Variants in ULK4 observed in about 807,000 individuals in gnomAD.
ULK4 encodes the protein unc-51 like kinase 4.
ULK4 carries 133 observed loss-of-function variants against 160.6 expected under a neutral mutation model. That is an observed-to-expected ratio of 0.83 (90% CI 0.72 to 0.96). The LOEUF (loss-of-function observed/expected upper bound fraction) is 0.96. Ranked by LOEUF, ULK4 falls within the 40% of genes least tolerant of loss-of-function variation. ULK4 has a pLI of 0.00. For missense variants in ULK4, 1,580 were observed against 1,499.5 expected (o/e 1.05, Z -0.89); for synonymous variants, 534 against 539.8 (o/e 0.99, Z 0.15).
intron 35 of ULK4, among the ~76,000 whole-genome samples, chr3:41,394,339 C>A (rs1473803072): frequency 1.3e-5 from 2 of 152,084 alleles, no homozygotes; most frequent in African/African-American, 2.4e-5. Flanking sequence ...CTTTGGGTAA[C>A]CTGCTGCTAT....
intron 35 of ULK4, among the ~76,000 whole-genome samples, chr3:41,276,322 AG>A (rs1466648230): frequency 6.6e-6 from 1 of 152,174 alleles, no homozygotes; most frequent in Non-Finnish European, 1.5e-5. Flanking sequence ...CGGACCTTCG[AG>A]TCTCCCTCCA....
intron 17 of ULK4, among the ~76,000 whole-genome samples, chr3:41,843,732 A>G (rs187779409): frequency 0.015 from 2,223 of 152,228 alleles, 16 homozygotes; most frequent in Non-Finnish European, 0.024. Flanking sequence ...AAGCTTCCAC[A>G]GTGTGGAAGG....
At chr3:41,907,964 C>T in intron 11 of ULK4, 23 bp from the exon 12 acceptor site, 1 of 1,535,054 alleles carries the variant, frequency 6.5e-7, no homozygotes, top group Non-Finnish European at 8.8e-7. Context: ...AACCAGTTAA[C>T]ATTATTCAAT....
chr3:41,865,482 T>C (rs1391975295), intron 17 of ULK4, among the ~76,000 whole-genome samples: 2 of 151,970 alleles, frequency 1.3e-5, no homozygotes, highest in Non-Finnish European at 2.9e-5. Context: ...GATGACCATT[T>C]TCTCCTTCAC....
intron 30 of ULK4, among the ~76,000 whole-genome samples, chr3:41,655,509 C>G (rs1003822850): frequency 6.6e-6 from 1 of 151,990 alleles, no homozygotes; most frequent in Non-Finnish European, 1.5e-5. Context: ...CACATGTACA[C>G]TACAACTTAA....
intron 31 of ULK4, 96 bp from the exon 32 acceptor site, chr3:41,566,226 T>C: frequency 1.0e-6 from 1 of 998,772 alleles, no homozygotes; most frequent in Non-Finnish European, 1.5e-6. Flanking sequence ...CTTCATTCTT[T>C]GCACAAGGTT....
intron 5 of ULK4, 69 bp downstream of exon 5, chr3:41,931,775 C>A (rs1293105560): frequency 1.3e-6 from 2 of 1,550,968 alleles, no homozygotes; most frequent in East Asian, 4.5e-5. Context: ...CTGACATTGT[C>A]TCCTAAACAC....
intron 27 of ULK4, among the ~76,000 whole-genome samples, chr3:41,701,076 CAGTA>C (rs2036657922): frequency 3.3e-5 from 5 of 151,726 alleles, no homozygotes. Flanking sequence ...CACAAAAAGA[CAGTA>C]AGAATTAGAA....
chr3:41,363,726 G>A (rs2081194457), intron 35 of ULK4, among the ~76,000 whole-genome samples: 1 of 152,126 alleles, frequency 6.6e-6, no homozygotes, highest in African/African-American at 2.4e-5. Context: ...ATATATCTGT[G>A]GGCATGGGCA....
At chr3:41,707,447 A>G (rs549174856) in intron 25 of ULK4, among the ~76,000 whole-genome samples, 4 of 152,348 alleles carry the variant, frequency 2.6e-5, no homozygotes, top group East Asian at 3.9e-4. Flanking sequence ...TGGGAAAAAA[A>G]TATTTGTAAA....
At chr3:41,874,153 G>C (rs1697216502) in intron 17 of ULK4, among the ~76,000 whole-genome samples, 1 of 152,028 alleles carries the variant, frequency 6.6e-6, no homozygotes, top group Non-Finnish European at 1.5e-5. Flanking sequence ...ACAATGACAG[G>C]ACTGATTATG....
chr3:41,922,772 A>G (rs1183119198), intron 5 of ULK4, among the ~76,000 whole-genome samples: 1 of 152,178 alleles, frequency 6.6e-6, no homozygotes, highest in African/African-American at 2.4e-5. Context: ...TCAGATTGCA[A>G]TGTACGATGG....
chr3:41,266,802 T>G (rs779803735), intron 35 of ULK4, among the ~76,000 whole-genome samples: 4 of 152,102 alleles, frequency 2.6e-5, no homozygotes, highest in Non-Finnish European at 4.4e-5. Context: ...AAGGGGGAGC[T>G]CCTATTCTTC....
At chr3:41,919,898 G>A in intron 5 of ULK4, 80 bp from the exon 6 acceptor site, 1 of 821,992 alleles carries the variant, frequency 1.2e-6, no homozygotes, top group East Asian at 2.5e-5. Flanking sequence ...AAGATCTGAT[G>A]AGATGAAAAA....
chr3:41,818,559 A>C (rs533702225), intron 19 of ULK4, among the ~76,000 whole-genome samples: 1 of 152,334 alleles, frequency 6.6e-6, no homozygotes, highest in African/African-American at 2.4e-5. Context: ...ATCATATCCC[A>C]TAATGACAAA....
chr3:41,451,690 C>T (rs568601094), intron 34 of ULK4, among the ~76,000 whole-genome samples: 1 of 151,940 alleles, frequency 6.6e-6, no homozygotes, highest in African/African-American at 2.4e-5. Context: ...GATAGCACCA[C>T]GTAGAAAAAA....
At chr3:41,588,013 A>G (rs1691445400) in intron 31 of ULK4, among the ~76,000 whole-genome samples, 1 of 152,226 alleles carries the variant, frequency 6.6e-6, no homozygotes, top group Admixed American at 6.5e-5. Flanking sequence ...CTAATTATAC[A>G]AAGACACTAG....
intron 21 of ULK4, among the ~76,000 whole-genome samples, chr3:41,760,236 T>C (rs2038941802): frequency 6.6e-6 from 1 of 152,130 alleles, no homozygotes; most frequent in African/African-American, 2.4e-5. Flanking sequence ...GAGATATAAC[T>C]ATGAGCTTAT....
intron 17 of ULK4, chr3:41,882,275 T>G (rs959210991): frequency 2.8e-6 from 2 of 702,900 alleles, no homozygotes; most frequent in African/African-American, 3.5e-5. Context: ...CAATGGAGCT[T>G]GTAGTCTAGT....
Sources: gnomAD v4.1 joint callset for allele counts (sites outside exome capture counted in the v4.1 genomes callset) on GRCh38, gnomAD v4.1.1 for gene constraint, MANE v1.5 for transcripts, NCBI Gene and HGNC (gene_info 2026-07-23, HGNC 2026-07-21) for gene names.